The following ATP8A1 variants were observed in gnomAD, a reference collection of about 807,000 sequenced individuals.
ATP8A1 encodes ATPase phospholipid transporting 8A1.
In ATP8A1, 90 loss-of-function variants were observed where a neutral mutation model predicts 177.7. The ratio of observed to expected loss-of-function variants is 0.51; its 90% CI spans 0.43 to 0.60. The LOEUF is 0.60. Among genes scored for constraint, ATP8A1 ranks in the 20% least tolerant of loss-of-function variants. The probability of loss-of-function intolerance (pLI) is 0.00; values close to 1 mark genes in which losing one functional copy is unlikely to be tolerated. For missense variants in ATP8A1, 1,072 were observed against 1,392.8 expected (o/e 0.77, Z 3.67); for synonymous variants, 493 against 485.9 (o/e 1.01, Z -0.19).
At chr4:42,504,379 A>G (rs1408906022) in intron 23 of ATP8A1, among the ~76,000 whole-genome samples, 1 of 152,128 alleles carries the variant, frequency 6.6e-6, no homozygotes, top group Non-Finnish European at 1.5e-5. Context: ...CCATCAAGAA[A>G]ACCTACTTTC....
At position 42,656,950 on chromosome 4, in the gene ATP8A1, T is replaced by G. The variant is rs1019800296; in HGVS notation, c.-77A>C. ...GCGTGGTACACGCGGGAGACCCGGC[T>G]GCGCCGCGCAGAGCGCTCAGCTGCA... On this transcript the variant is annotated 5_prime_UTR_variant, in exon 1 of 37. Coordinates refer to ENST00000381668, the MANE Select transcript of ATP8A1 (RefSeq NM_006095.2). 1 of 1,372,702 alleles carries G rather than the reference T, an allele frequency of 7.3e-7. No individual in the cohort carries two copies. Among genetic ancestry groups the G allele is most frequent in the African/African-American group, 1.5e-5 (1 of 67,202 alleles). The allele number at this position is 1,372,702 out of a possible 1,614,324, so 85.0% of individuals were successfully genotyped here. A position where few individuals can be genotyped will look rare whatever the true frequency, so the allele number is the denominator to read the frequency against.
At chr4:42,638,706 G>T (rs1381943094) in intron 1 of ATP8A1, among the ~76,000 whole-genome samples, 1 of 152,140 alleles carries the variant, frequency 6.6e-6, no homozygotes, top group Admixed American at 6.5e-5. Flanking sequence ...TCTGACAGAA[G>T]AATTAAATAG....
intron 35 of ATP8A1, 107 bp downstream of exon 35, chr4:42,422,700 G>A: frequency 1.2e-6 from 1 of 847,634 alleles, no homozygotes; most frequent in Non-Finnish European, 1.8e-6. Context: ...CAATGACACT[G>A]CCAGCTTGAT....
rs923248565 is a variant in ATP8A1, at chr4:42,446,453, T to G, written c.2958+130A>C. On this transcript the variant is annotated intron_variant, in intron 31 of 36. Coordinates refer to ENST00000381668, the MANE Select transcript of ATP8A1 (RefSeq NM_006095.2). ...ATTATAAGCCCTGGGTCTTACTTAATTTTTAAAGGGAACCGTAAACAACCC... is the reference window on the plus strand; with the variant it reads ...ATTATAAGCCCTGGGTCTTACTTAAGTTTTAAAGGGAACCGTAAACAACCC... The G allele has an allele frequency of 1.8e-5, 15 of 831,822 alleles. No homozygotes were observed. In the South Asian group the frequency reaches 3.0e-4, roughly 16 times the overall value. 51.5% of individuals were successfully genotyped at this position (831,822 alleles called of 1,614,324 possible).
At chr4:42,566,704 A>C (rs1731380283) in intron 15 of ATP8A1, among the ~76,000 whole-genome samples, 1 of 152,230 alleles carries the variant, frequency 6.6e-6, no homozygotes, top group Non-Finnish European at 1.5e-5. Flanking sequence ...TGTGATCTAA[A>C]AAGCAGATAT....
chr4:42,593,186 C>T (rs998730554), intron 6 of ATP8A1, among the ~76,000 whole-genome samples: 7 of 152,036 alleles, frequency 4.6e-5, no homozygotes, highest in Non-Finnish European at 7.4e-5. Flanking sequence ...TTTCTAGTGC[C>T]TGATACTACC....
intron 1 of ATP8A1, among the ~76,000 whole-genome samples, chr4:42,650,689 CAAAT>C (rs1418654531): frequency 6.6e-6 from 1 of 152,050 alleles, no homozygotes; most frequent in African/African-American, 2.4e-5. Flanking sequence ...TTTACATAAT[CAAAT>C]AAATGTCATT....
intron 16 of ATP8A1, among the ~76,000 whole-genome samples, chr4:42,555,029 G>A (rs746430144): frequency 2.0e-5 from 3 of 152,050 alleles, no homozygotes; most frequent in Admixed American, 6.6e-5. Flanking sequence ...GTGTGCAGAT[G>A]GCCTATTGTG....
At chr4:42,550,788 T>C (rs1346911539) in intron 18 of ATP8A1, among the ~76,000 whole-genome samples, 1 of 152,218 alleles carries the variant, frequency 6.6e-6, no homozygotes, top group Non-Finnish European at 1.5e-5. Flanking sequence ...TTTTTTCACA[T>C]GCTTATTGGC....
In ATP8A1 at chr4:42,580,997, T is replaced by A. The variant is rs2109342659; in HGVS notation, c.834+624A>T. Among the ~76,000 whole-genome samples, 2 of 152,360 alleles carry A rather than the reference T, an allele frequency of 1.3e-5. 1 individual carries two copies. Among genetic ancestry groups the A allele is most frequent in the Middle Eastern group, 6.8e-3 (2 of 294 alleles). On this transcript the variant is annotated intron_variant, in intron 10 of 36. Transcript: ENST00000381668. The stretch of plus-strand genomic sequence containing the variant: ...GACAAATGTTTTAATGCAGATCACT[T>A]ATCATGACATGGACGACTTGTAATA...
At chr4:42,582,448 T>A (rs1248609479) in intron 9 of ATP8A1, among the ~76,000 whole-genome samples, 1 of 151,838 alleles carries the variant, frequency 6.6e-6, no homozygotes. Context: ...ATAAGGAATC[T>A]GTCTACTCAC....
At chr4:42,526,550 C>T (rs1578106977) in intron 20 of ATP8A1, among the ~76,000 whole-genome samples, 1 of 152,136 alleles carries the variant, frequency 6.6e-6, no homozygotes, top group Non-Finnish European at 1.5e-5. Flanking sequence ...CAAGACTGGC[C>T]TAGCCTCTCC....
intron 27 of ATP8A1, 93 bp from the exon 28 acceptor site, chr4:42,455,692 C>A: frequency 9.2e-7 from 1 of 1,083,716 alleles, no homozygotes; most frequent in Non-Finnish European, 1.3e-6. Flanking sequence ...TGCATAATAG[C>A]AGCATTAACA....
chr4:42,448,715 A>C (rs1310285912), intron 30 of ATP8A1, among the ~76,000 whole-genome samples: 1 of 150,504 alleles, frequency 6.6e-6, no homozygotes, highest in Admixed American at 6.6e-5. Flanking sequence ...AGTTTCTCAA[A>C]GTGGTAGAGG....
Position 42,464,771 on chromosome 4 carries a change from A to T in ATP8A1, c.2538T>A (p.Ile846=). The change falls in exon 27 of 37, where the codon ATT becomes ATA. Residue 846 remains isoleucine, a synonymous_variant. Coordinates refer to ENST00000381668, the MANE Select transcript of ATP8A1 (RefSeq NM_006095.2). ...QFKYLKNLLM[I]HGAWNYNRVS... ...CTCTGTTATAGTTCCAGGCACCATG[A>T]ATCATCAGTAAATTCTTCAAATATT... The T allele has an allele frequency of 1.2e-6, 2 of 1,613,782 alleles. No individual in the cohort carries two copies. Among genetic ancestry groups the T allele is most frequent in the Non-Finnish European group, 1.7e-6 (2 of 1,179,682 alleles).
chr4:42,504,556 A>G lies in ATP8A1; in HGVS notation c.2087-1042T>C, dbSNP rs114731731. Reference sequence around the variant, plus strand: ...ATCAAGAACCTAACAACTTCTTACCATTAAAACACATCAAGAAGCCAACCA... The same window carrying G: ...ATCAAGAACCTAACAACTTCTTACCGTTAAAACACATCAAGAAGCCAACCA... On this transcript the variant is annotated intron_variant, in intron 23 of 36. Coordinates refer to ENST00000381668, the MANE Select transcript of ATP8A1 (RefSeq NM_006095.2). 4.3e-3 allele frequency among the ~76,000 whole-genome samples: 653 copies of G among 152,328 alleles called. 10 individuals carry two copies. The highest frequency in any genetic ancestry group is 0.015 in the African/African-American group (603 of 41,584).
chr4:42,422,538 T>C (rs1714093002), intron 35 of ATP8A1, among the ~76,000 whole-genome samples: 1 of 152,196 alleles, frequency 6.6e-6, no homozygotes, highest in African/African-American at 2.4e-5. Flanking sequence ...TAATACTTCA[T>C]TCAACTCTTA....
chr4:42,563,898 C>T (rs1250193140), intron 15 of ATP8A1, among the ~76,000 whole-genome samples: 1 of 152,156 alleles, frequency 6.6e-6, no homozygotes, highest in Non-Finnish European at 1.5e-5. Flanking sequence ...AGTACAAGAC[C>T]AGCCCAGCCA....
intron 4 of ATP8A1, among the ~76,000 whole-genome samples, chr4:42,621,872 TAGG>T (rs1737493887): frequency 6.6e-6 from 1 of 152,134 alleles, no homozygotes; most frequent in Non-Finnish European, 1.5e-5. Context: ...ATGGTACTAG[TAGG>T]AGAACACACA....
Sources: gnomAD v4.1 joint callset for allele counts (sites outside exome capture counted in the v4.1 genomes callset) on GRCh38, gnomAD v4.1.1 for gene constraint, MANE v1.5 for transcripts, NCBI Gene and HGNC (gene_info 2026-07-23, HGNC 2026-07-21) for gene names.